The following NEK6 variants were observed in gnomAD, a reference collection of about 807,000 sequenced individuals.
The protein encoded by NEK6 is serine/threonine-protein kinase Nek6.
A neutral mutation model predicts 43.5 loss-of-function variants in NEK6; 27 were observed. That is an observed-to-expected ratio of 0.62 (90% CI 0.46 to 0.86). The LOEUF is 0.86. Ranked by LOEUF, NEK6 falls within the 40% of genes least tolerant of loss-of-function variation. The pLI, the probability that NEK6 is intolerant of heterozygous loss-of-function variation, is 0.00. For missense variants in NEK6, 318 were observed against 414.4 expected (o/e 0.77, Z 2.02); for synonymous variants, 167 against 164.1 (o/e 1.02, Z -0.14).
At chr9:124,266,074 G>A (rs1001699624) in intron 1 of NEK6, among the ~76,000 whole-genome samples, 6 of 152,202 alleles carry the variant, frequency 3.9e-5, no homozygotes, top group East Asian at 3.8e-4. Context: ...GGAGGGAGAC[G>A]TGGGGTTTGC....
intron 1 of NEK6, among the ~76,000 whole-genome samples, chr9:124,274,118 A>G (rs1450755184): frequency 1.3e-5 from 2 of 151,708 alleles, no homozygotes; most frequent in African/African-American, 4.8e-5. Flanking sequence ...AGGGGAAGGG[A>G]AAGAAAGAGA....
intron 1 of NEK6, among the ~76,000 whole-genome samples, chr9:124,277,166 C>T (rs1436385238): frequency 2.0e-5 from 3 of 152,126 alleles, no homozygotes; most frequent in Admixed American, 6.5e-5. Flanking sequence ...TTGGCTGGGC[C>T]GGGTGTGGTG....
chr9:124,312,225 C>G (rs79935846), intron 2 of NEK6, among the ~76,000 whole-genome samples: 4,047 of 152,288 alleles, frequency 0.027, 181 homozygotes, highest in African/African-American at 0.091. Context: ...GACTCAGAGA[C>G]AGCAAACAAA....
intron 1 of NEK6, among the ~76,000 whole-genome samples, chr9:124,269,429 A>G (rs1363915133): frequency 6.6e-6 from 1 of 151,494 alleles, no homozygotes; most frequent in Admixed American, 6.6e-5. Context: ...GCTGGAGTGC[A>G]ATGGCACGAT....
chr9:124,331,268 A>AAAAC (rs1228721168), intron 7 of NEK6, among the ~76,000 whole-genome samples: 2 of 148,600 alleles, frequency 1.3e-5, no homozygotes, highest in African/African-American at 2.4e-5. Context: ...TCAAAAAAAA[A>AAAAC]AAAAACAAAA....
intron 1 of NEK6, among the ~76,000 whole-genome samples, chr9:124,286,064 G>T (rs942657312): frequency 2.0e-5 from 3 of 152,128 alleles, no homozygotes; most frequent in African/African-American, 7.2e-5. Flanking sequence ...TCTCGTGAAC[G>T]GTTCCCCCCT....
At position 124,299,171 on chromosome 9, in the gene NEK6, G is replaced by A. The variant is rs192491173; in HGVS notation, c.-29-2765G>A. ...ATGGGAGGCCCCAGGGCAGGTGGGC[G>A]GGTAAGCCGATGTGTGCATGGGTCT... On this transcript the variant is annotated intron_variant, in intron 1 of 9. Coordinates refer to ENST00000320246, the MANE Select transcript of NEK6 (RefSeq NM_014397.6). Among the ~76,000 whole-genome samples the A allele has an allele frequency of 1.1e-3, 170 of 152,352 alleles. 1 individual carries two copies. Among genetic ancestry groups the A allele is most frequent in the African/African-American group, 3.7e-3 (153 of 41,566 alleles).
At chr9:124,296,601 T>A (rs1286251640) in intron 1 of NEK6, among the ~76,000 whole-genome samples, 1 of 152,170 alleles carries the variant, frequency 6.6e-6, no homozygotes, top group African/African-American at 2.4e-5. Flanking sequence ...CCTCCAGGGT[T>A]CAGAGCAAGG....
At chr9:124,261,570 G>A (rs554299844) in intron 1 of NEK6, 5 of 985,436 alleles carry the variant, frequency 5.1e-6, no homozygotes, top group African/African-American at 3.5e-5. Flanking sequence ...ATCTGACAGC[G>A]AGATCGCTTG....
intron 1 of NEK6, among the ~76,000 whole-genome samples, chr9:124,293,980 G>A (rs1487490576): frequency 6.6e-6 from 1 of 152,262 alleles, no homozygotes; most frequent in African/African-American, 2.4e-5. Context: ...AGTCCTCGCA[G>A]CCTCCCTGCA....
chr9:124,273,710 G>A (rs561127905), intron 1 of NEK6, among the ~76,000 whole-genome samples: 1 of 152,348 alleles, frequency 6.6e-6, no homozygotes, highest in African/African-American at 2.4e-5. Flanking sequence ...TTTAAAGCGG[G>A]AGTTGAGGAG....
upstream of NEK6, chr9:124,257,625 A>G: frequency 1.3e-6 from 2 of 1,499,286 alleles, no homozygotes; most frequent in Non-Finnish European, 8.9e-7. Flanking sequence ...GGCGATGGGG[A>G]ATCCGAAGAC....
At chr9:124,321,855 C>T (rs1465413476) in intron 5 of NEK6, among the ~76,000 whole-genome samples, 1 of 152,218 alleles carries the variant, frequency 6.6e-6, no homozygotes, top group African/African-American at 2.4e-5. Flanking sequence ...GAAGGTGGTG[C>T]CAAGACAGGA....
Position 124,327,328 on chromosome 9 carries a change from C to G in NEK6, c.515-10C>G, listed in dbSNP as rs769302117. 1 of 1,612,464 alleles carries G rather than the reference C, an allele frequency of 6.2e-7. No individual in the cohort carries two copies. The highest frequency in any genetic ancestry group is 1.1e-5 in the South Asian group (1 of 91,032). On this transcript the variant is annotated splice_polypyrimidine_tract_variant and intron_variant, in intron 6 of 9. Coordinates refer to ENST00000320246, the MANE Select transcript of NEK6 (RefSeq NM_014397.6). ...TACCCCACACCAATCTCCTTCTCCT[C>G]GCCCTGCAGACATCAAGCCTGCCAA...
chr9:124,281,887 A>C (rs1279438430), intron 1 of NEK6, among the ~76,000 whole-genome samples: 2 of 152,024 alleles, frequency 1.3e-5, no homozygotes, highest in African/African-American at 4.8e-5. Flanking sequence ...CTATCTTCAA[A>C]ATGTGGGAGA....
At chr9:124,269,809 T>G (rs1831362688) in intron 1 of NEK6, among the ~76,000 whole-genome samples, 1 of 152,094 alleles carries the variant, frequency 6.6e-6, no homozygotes, top group Admixed American at 6.6e-5. Flanking sequence ...TGTTGTTGGT[T>G]TTGCAGAGTC....
chr9:124,303,762 G>A (rs1833114622), intron 2 of NEK6, among the ~76,000 whole-genome samples: 1 of 152,212 alleles, frequency 6.6e-6, no homozygotes, highest in African/African-American at 2.4e-5. Context: ...ACCAGGACAT[G>A]GTGCTGATGG....
chr9:124,322,460 C>T (rs191995534), intron 5 of NEK6, among the ~76,000 whole-genome samples: 4 of 152,344 alleles, frequency 2.6e-5, no homozygotes, highest in East Asian at 1.9e-4. Context: ...TACGCTCATG[C>T]GTCCCTCACT....
At chr9:124,303,223 A>G (rs924444676) in intron 2 of NEK6, among the ~76,000 whole-genome samples, 52 of 152,166 alleles carry the variant, frequency 3.4e-4, no homozygotes, top group Non-Finnish European at 1.0e-4. Flanking sequence ...GTTCTCTTAT[A>G]TGGTGTTGGC....
Sources: gnomAD v4.1 joint callset for allele counts (sites outside exome capture counted in the v4.1 genomes callset) on GRCh38, gnomAD v4.1.1 for gene constraint, MANE v1.5 for transcripts, NCBI Gene and HGNC (gene_info 2026-07-23, HGNC 2026-07-21) for gene names.